The following CUBN variants were observed in gnomAD, a reference collection of about 807,000 sequenced individuals.
CUBN encodes 460 kDa receptor.
In CUBN, 282 loss-of-function variants were observed where a neutral mutation model predicts 405.3. That is an observed-to-expected ratio of 0.70 (90% confidence interval 0.63 to 0.77). The LOEUF (loss-of-function observed/expected upper bound fraction) is 0.77. CUBN is among the 30% of genes least tolerant of loss of function. The pLI is 0.00. For synonymous variants in CUBN, 1,684 were observed against 1,617.0 expected (o/e 1.04, Z -0.99); for missense variants, 4,514 against 4,475.2 (o/e 1.01, Z -0.25).
intron 39 of CUBN, among the ~76,000 whole-genome samples, chr10:16,935,329 C>A (rs1319429237): frequency 6.6e-6 from 1 of 151,668 alleles, no homozygotes; most frequent in Admixed American, 6.6e-5. Context: ...TTTTTTTAAT[C>A]TTTTGTAGAG....
chr10:16,950,734 A>T (rs1265599265), intron 33 of CUBN, among the ~76,000 whole-genome samples: 2 of 152,226 alleles, frequency 1.3e-5, no homozygotes, highest in African/African-American at 4.8e-5. Context: ...GTGGTAAATA[A>T]GAGGACTCCT....
At chr10:16,986,228 G>A (rs1833415351) in intron 29 of CUBN, among the ~76,000 whole-genome samples, 2 of 152,158 alleles carry the variant, frequency 1.3e-5, no homozygotes, top group Admixed American at 6.5e-5. Flanking sequence ...CCAGGAAGGC[G>A]GCTCTCAGGG....
intron 55 of CUBN, among the ~76,000 whole-genome samples, chr10:16,889,615 G>A (rs1173654623): frequency 6.6e-6 from 1 of 152,120 alleles, no homozygotes; most frequent in Non-Finnish European, 1.5e-5. Context: ...GTTAAAACAT[G>A]CAAGACCGGC....
chr10:16,861,006 T>A (rs1839996749), intron 59 of CUBN, among the ~76,000 whole-genome samples: 1 of 151,726 alleles, frequency 6.6e-6, no homozygotes, highest in Admixed American at 6.6e-5. Context: ...TGCCTGGCCT[T>A]TGCATATCTC....
At position 17,129,720 on chromosome 10, in the gene CUBN, A is replaced by G. The variant is rs755266998; in HGVS notation, c.46T>C (p.Leu16=). ...LPFLWSLLTL[L]IFAEVNGEAG... is the part of the protein sequence containing the mutation. ...TCGCCATTTACTTCAGCAAATATTA[A>G]TAAGGTAAGCAAACTCCAAAGAAAA... The change falls in exon 1 of 67, where the codon TTA becomes CTA. Residue 16 remains leucine, a synonymous_variant. Coordinates refer to ENST00000377833, the MANE Select transcript of CUBN (RefSeq NM_001081.4). 1.2e-6 allele frequency: 2 copies of G among 1,614,106 alleles called. No homozygotes were observed. The highest frequency in any genetic ancestry group is 1.7e-6 in the Non-Finnish European group (2 of 1,179,958).
At chr10:16,910,963 G>A (rs980336298) in intron 48 of CUBN, among the ~76,000 whole-genome samples, 2 of 152,072 alleles carry the variant, frequency 1.3e-5, no homozygotes, top group African/African-American at 4.8e-5. Context: ...GCATCACAAA[G>A]TCAGCTCTCT....
At chr10:16,881,378 T>G (rs1840662016) in intron 56 of CUBN, among the ~76,000 whole-genome samples, 1 of 152,198 alleles carries the variant, frequency 6.6e-6, no homozygotes, top group African/African-American at 2.4e-5. Flanking sequence ...AAATAGTTGA[T>G]TAAAGGAACT....
chr10:16,945,424 A>G (rs1210788416), intron 36 of CUBN, among the ~76,000 whole-genome samples: 2 of 152,192 alleles, frequency 1.3e-5, no homozygotes, highest in African/African-American at 4.8e-5. Flanking sequence ...TAAACATTAT[A>G]AAGTATATAG....
At chr10:17,033,015 A>G (rs951779027) in intron 27 of CUBN, among the ~76,000 whole-genome samples, 4 of 152,130 alleles carry the variant, frequency 2.6e-5, no homozygotes, top group African/African-American at 9.7e-5. Flanking sequence ...CCCTTGGCCT[A>G]TAGCAATCCC....
intron 28 of CUBN, among the ~76,000 whole-genome samples, chr10:17,011,401 C>T (rs980978343): frequency 1.3e-5 from 2 of 152,028 alleles, no homozygotes; most frequent in African/African-American, 4.8e-5. Flanking sequence ...ATGAGTGTTA[C>T]GGCCCTTAAA....
intron 15 of CUBN, among the ~76,000 whole-genome samples, chr10:17,087,309 C>T (rs985980535): frequency 2.0e-5 from 3 of 152,068 alleles, no homozygotes; most frequent in African/African-American, 7.2e-5. Context: ...TACGTACAAA[C>T]GGCATTTGAA....
At chr10:16,977,162 C>G (rs192744191) in intron 31 of CUBN, among the ~76,000 whole-genome samples, 1 of 152,194 alleles carries the variant, frequency 6.6e-6, no homozygotes, top group African/African-American at 2.4e-5. Context: ...ACACAGGATA[C>G]AGGGAAATAC....
rs1839327468 is a variant in CUBN at position 16,840,903 on chromosome 10, T to C, written c.9808A>G (p.Thr3270Ala). Residue 3270 changes from threonine (T) to alanine (A), a missense_variant, in exon 61 of 67, where the codon ACA (threonine) becomes GCA (alanine). By Grantham distance (58) the Thr-to-Ala change is moderately conservative. Coordinates refer to ENST00000377833, the MANE Select transcript of CUBN (RefSeq NM_001081.4). ...TACTCACTGTCCATGATGGTGTATG[T>C]AGCATTAAATCCTTCCCTCTCTAAT... Reference protein sequence around the residue: ...LTLEREGFNATYTIMDMPCGG... With the variant: ...LTLEREGFNAAYTIMDMPCGG... The C allele has an allele frequency of 1.2e-6, 2 of 1,612,040 alleles. No homozygotes were observed. The highest frequency in any genetic ancestry group is 1.3e-5 in the African/African-American group (1 of 74,980).
intron 13 of CUBN, among the ~76,000 whole-genome samples, chr10:17,101,398 T>A (rs1282617186): frequency 6.6e-6 from 1 of 152,098 alleles, no homozygotes; most frequent in Non-Finnish European, 1.5e-5. Context: ...GAAAACTAAA[T>A]GGAAGGAAGG....
At chr10:17,024,253 TA>T (rs1339661638) in intron 27 of CUBN, among the ~76,000 whole-genome samples, 1 of 152,118 alleles carries the variant, frequency 6.6e-6, no homozygotes, top group East Asian at 1.9e-4. Context: ...AATTTTTTTG[TA>T]AGATTGAGGG....
intron 10 of CUBN, among the ~76,000 whole-genome samples, chr10:17,109,385 G>A (rs756555680): frequency 6.6e-6 from 1 of 152,164 alleles, no homozygotes; most frequent in African/African-American, 2.4e-5. Context: ...TCTCCTGCCT[G>A]CTTGTTGGAA....
chr10:17,115,456 G>C lies in CUBN; in HGVS notation c.720+15C>G. 6.2e-7 allele frequency: 1 copy of C among 1,613,484 alleles called. No individual in the cohort carries two copies. The highest frequency in any genetic ancestry group is 8.5e-7 in the Non-Finnish European group (1 of 1,179,814). ...TGGCTCTCTGCAAGGAGGCACATTT[G>C]GGGAAGGGACCCACCTCTCCAGCTT... On this transcript the variant is annotated intron_variant, in intron 7 of 66. Coordinates refer to ENST00000377833, the MANE Select transcript of CUBN (RefSeq NM_001081.4).
intron 22 of CUBN, among the ~76,000 whole-genome samples, chr10:17,049,811 GAATT>G: frequency 6.6e-6 from 1 of 152,172 alleles, no homozygotes; most frequent in Admixed American, 6.5e-5. Context: ...CAACCAAGCA[GAATT>G]AATTTATTTA....
chr10:17,037,542 G>A (rs972968166), intron 27 of CUBN, among the ~76,000 whole-genome samples: 2 of 152,172 alleles, frequency 1.3e-5, no homozygotes, highest in Non-Finnish European at 2.9e-5. Flanking sequence ...TATATGAACT[G>A]GATAATACGG....
Sources: allele counts gnomAD v4.1 joint callset (sites outside exome capture counted in the v4.1 genomes callset), GRCh38; gene constraint gnomAD v4.1.1; transcripts MANE v1.5; gene names NCBI Gene and HGNC (gene_info 2026-07-23, HGNC 2026-07-21).